Variants in FCHSD2 observed in about 807,000 individuals in gnomAD.
FCHSD2 encodes FCH and double SH3 domains 2, also known as F-BAR and double SH3 domains protein 2.
A neutral mutation model predicts 108.1 loss-of-function variants in FCHSD2; 38 were observed. That is an observed-to-expected ratio of 0.35 (90% CI 0.27 to 0.46). The LOEUF (loss-of-function observed/expected upper bound fraction) is 0.46, where lower values mean the gene tolerates loss of function less well. FCHSD2 is among the 20% of genes least tolerant of loss of function. The probability of loss-of-function intolerance (pLI) is 1.00; values close to 1 mark genes in which losing one functional copy is unlikely to be tolerated. For synonymous variants in FCHSD2, 279 were observed against 314.7 expected, an observed-to-expected ratio of 0.89 and a Z score of 1.20; for missense variants, 751 against 897.8, an observed-to-expected ratio of 0.84 and a Z score of 2.09.
At chr11:72,843,799 A>T in intron 14 of FCHSD2, 1 of 364,226 alleles carries the variant, frequency 2.7e-6, no homozygotes, top group Non-Finnish European at 4.9e-6. Flanking sequence ...AGCCTGGGCA[A>T]CACAGCGAGA....
At position 73,041,591 on chromosome 11, in the gene FCHSD2, T is replaced by TG. The variant is rs1012882054; in HGVS notation, c.166-25707_166-25706insC. On this transcript the variant is annotated intron_variant, in intron 3 of 19. Coordinates refer to ENST00000409418, the MANE Select transcript of FCHSD2 (RefSeq NM_014824.3). ...GTTAATGGGATAATTTATGGAGTTTTTTTGTTTGTTTGTTTGCTACTGAGT... is the reference window on the plus strand; with the variant it reads ...GTTAATGGGATAATTTATGGAGTTTTGTTTGTTTGTTTGTTTGCTACTGAGT... 3.3e-5 allele frequency among the ~76,000 whole-genome samples: 5 copies of TG among 152,100 alleles called. 1 individual carries two copies. The South Asian group carries it at 1.0e-3, about 31-fold the overall frequency.
chr11:73,036,588 G>A (rs1858504272), intron 3 of FCHSD2, among the ~76,000 whole-genome samples: 1 of 152,126 alleles, frequency 6.6e-6, no homozygotes, highest in South Asian at 2.1e-4. Context: ...CATGATTACT[G>A]TGATTAAAAA....
At chr11:72,890,363 A>G (rs568583775) in intron 10 of FCHSD2, among the ~76,000 whole-genome samples, 1 of 144,122 alleles carries the variant, frequency 6.9e-6, no homozygotes, top group South Asian at 2.5e-4. Flanking sequence ...AAGAATCATT[A>G]AAGAGAAGTA....
chr11:72,926,721 C>G (rs1331462457), intron 8 of FCHSD2, among the ~76,000 whole-genome samples: 1 of 152,208 alleles, frequency 6.6e-6, no homozygotes, highest in Non-Finnish European at 1.5e-5. Context: ...AGGACAAGAA[C>G]TTGGGCAAAG....
intron 8 of FCHSD2, among the ~76,000 whole-genome samples, chr11:72,932,251 A>G (rs1249800606): frequency 6.6e-6 from 1 of 152,174 alleles, no homozygotes; most frequent in African/African-American, 2.4e-5. Context: ...TGTCTCATCC[A>G]GATTATTGCA....
At chr11:73,074,067 A>C (rs1379074911) in intron 3 of FCHSD2, among the ~76,000 whole-genome samples, 1 of 152,228 alleles carries the variant, frequency 6.6e-6, no homozygotes, top group African/African-American at 2.4e-5. Context: ...AAGACAAAGT[A>C]CTTAAAACAG....
At position 73,061,072 on chromosome 11, in the gene FCHSD2, G is replaced by A. The variant is rs912271164; in HGVS notation, c.165+22623C>T. On this transcript the variant is annotated intron_variant, in intron 3 of 19. Transcript: ENST00000409418. ...GTCTGCAGCTCCCAGCAAGATCCTC[G>A]CAGAAGGCAGATGATTTCTGCATGT... 4.6e-5 allele frequency among the ~76,000 whole-genome samples: 7 copies of A among 152,214 alleles called. No homozygotes were observed. The East Asian group carries it at 5.8e-4, about 13-fold the overall frequency.
At chr11:72,967,164 C>A (rs1262793232) in intron 8 of FCHSD2, among the ~76,000 whole-genome samples, 1 of 149,314 alleles carries the variant, frequency 6.7e-6, no homozygotes, top group Non-Finnish European at 1.5e-5. Flanking sequence ...CGCGCCACTG[C>A]ACTCCAGCCT....
chr11:72,907,841 C>T (rs137862963), intron 9 of FCHSD2, among the ~76,000 whole-genome samples: 1,934 of 152,210 alleles, frequency 0.013, 41 homozygotes, highest in African/African-American at 0.043. Flanking sequence ...CATCTGCCCA[C>T]CTTGGCCTCC....
intron 3 of FCHSD2, among the ~76,000 whole-genome samples, chr11:73,072,830 T>C (rs916368292): frequency 7.9e-5 from 12 of 152,316 alleles, no homozygotes; most frequent in Admixed American, 5.9e-4. Flanking sequence ...CCCCACCACA[T>C]GCACATAACA....
intron 2 of FCHSD2, among the ~76,000 whole-genome samples, chr11:73,115,951 A>G (rs557166942): frequency 6.6e-6 from 1 of 152,376 alleles, no homozygotes; most frequent in Admixed American, 6.5e-5. Flanking sequence ...ACTACAGCAT[A>G]AGCAAGTTGA....
chr11:72,910,509 A>C (rs1855740812), intron 9 of FCHSD2, among the ~76,000 whole-genome samples: 3 of 152,312 alleles, frequency 2.0e-5, no homozygotes, highest in African/African-American at 7.2e-5. Context: ...GGATGCTGTT[A>C]ATCTATAACC....
At chr11:72,941,844 A>G (rs1308680917) in intron 8 of FCHSD2, among the ~76,000 whole-genome samples, 1 of 152,232 alleles carries the variant, frequency 6.6e-6, no homozygotes, top group East Asian at 1.9e-4. Flanking sequence ...CTTCAAAAAA[A>G]GATATCTTAA....
chr11:72,857,126 C>T (rs555383091), intron 13 of FCHSD2, among the ~76,000 whole-genome samples: 39 of 152,286 alleles, frequency 2.6e-4, no homozygotes, highest in Middle Eastern at 3.4e-3. Flanking sequence ...TTTTTGGATT[C>T]CCATGGAAGG....
chr11:73,009,687 T>C (rs1018776190), intron 4 of FCHSD2, among the ~76,000 whole-genome samples: 5 of 143,654 alleles, frequency 3.5e-5, no homozygotes, highest in East Asian at 1.9e-4. Context: ...TGGTTGGTAG[T>C]TTTTTTTTTC....
At chr11:73,103,712 AAAAG>A (rs1005123988) in intron 2 of FCHSD2, among the ~76,000 whole-genome samples, 1 of 152,252 alleles carries the variant, frequency 6.6e-6, no homozygotes, top group Non-Finnish European at 1.5e-5. Flanking sequence ...CTTTCAAGAA[AAAAG>A]AAATGCAAAA....
At chr11:73,091,193 G>A (rs1412540673) in intron 2 of FCHSD2, among the ~76,000 whole-genome samples, 1 of 152,086 alleles carries the variant, frequency 6.6e-6, no homozygotes, top group Non-Finnish European at 1.5e-5. Context: ...TCCACATCCT[G>A]AGTATTATGG....
intron 8 of FCHSD2, among the ~76,000 whole-genome samples, chr11:72,979,909 T>C (rs995152851): frequency 6.6e-6 from 1 of 152,028 alleles, no homozygotes. Context: ...ATAATGAGGG[T>C]TGTTATCACC....
At chr11:72,908,411 C>T (rs1275995114) in intron 9 of FCHSD2, among the ~76,000 whole-genome samples, 1 of 152,184 alleles carries the variant, frequency 6.6e-6, no homozygotes, top group African/African-American at 2.4e-5. Context: ...AGTGAGATTG[C>T]TGAATCATAA....
Sources: gnomAD v4.1 joint callset for allele counts (sites outside exome capture counted in the v4.1 genomes callset) on GRCh38, gnomAD v4.1.1 for gene constraint, MANE v1.5 for transcripts, NCBI Gene and HGNC (gene_info 2026-07-23, HGNC 2026-07-21) for gene names.